Variants in PDE10A observed in about 807,000 individuals in gnomAD.
PDE10A encodes the protein phosphodiesterase 10A.
A neutral mutation model predicts 97.7 loss-of-function variants in PDE10A; 39 were observed. That is an observed-to-expected ratio of 0.40 (90% CI 0.31 to 0.52). The LOEUF is 0.52. Ranked by LOEUF, PDE10A falls within the 20% of genes least tolerant of loss-of-function variation. The probability of loss-of-function intolerance (pLI) is 0.56; values close to 1 mark genes in which losing one functional copy is unlikely to be tolerated. For missense variants in PDE10A, 731 were observed against 1,047.8 expected (o/e 0.70, Z 4.17); for synonymous variants, 371 against 376.8 (o/e 0.98, Z 0.18).
At chr6:165,384,631 A>AGTGTGTGTGTGTGT (rs57175607) in intron 17 of PDE10A, among the ~76,000 whole-genome samples, 5 of 67,020 alleles carry the variant, frequency 7.5e-5, no homozygotes, top group Admixed American at 1.6e-4. Flanking sequence ...TGTGTGAGTG[A>AGTGTGTGTGTGTGT]GTGTGTGTGT....
chr6:165,672,075 A>G (rs1295104596), intron 1 of PDE10A, among the ~76,000 whole-genome samples: 1 of 152,226 alleles, frequency 6.6e-6, no homozygotes, highest in African/African-American at 2.4e-5. Flanking sequence ...AAGACAGATC[A>G]ATATAGATAC....
intron 1 of PDE10A, among the ~76,000 whole-genome samples, chr6:165,684,335 G>A (rs1791057280): frequency 6.6e-6 from 1 of 152,184 alleles, no homozygotes; most frequent in Non-Finnish European, 1.5e-5. Context: ...AAATGTTTGT[G>A]TCTACTGTGG....
In PDE10A at chr6:165,619,514, C is replaced by CCAGTGTAGTCTACTG. The variant is rs1562635122; in HGVS notation, c.865+42432_865+42433insCAGTAGACTACACTG. On this transcript the variant is annotated intron_variant, in intron 1 of 21. Coordinates refer to ENST00000539869, the MANE Select transcript of PDE10A (RefSeq NM_001385079.1). ...CTAGTGTAGTCTAGTGTAGTGTAGTCTAGTGTAGTGTAGTGTAGTCTAATG... is the reference window on the plus strand; with the variant it reads ...CTAGTGTAGTCTAGTGTAGTGTAGTCCAGTGTAGTCTACTGTAGTGTAGTGTAGTGTAGTCTAATG... 2.8e-3 allele frequency among the ~76,000 whole-genome samples: 42 copies of CCAGTGTAGTCTACTG among 14,900 alleles called. 13 individuals are homozygous for CCAGTGTAGTCTACTG. The highest frequency in any genetic ancestry group is 0.017 in the African/African-American group (42 of 2,516). The allele number at this position is 14,900 out of a possible 152,430, so 9.8% of individuals were successfully genotyped here.
At chr6:165,584,533 A>C (rs761800123) in intron 1 of PDE10A, among the ~76,000 whole-genome samples, 1 of 130,672 alleles carries the variant, frequency 7.7e-6, no homozygotes, top group Non-Finnish European at 1.8e-5. Context: ...GATGACAGCC[A>C]GCACCTCTGG....
chr6:165,606,347 A>G (rs891037045), intron 1 of PDE10A, among the ~76,000 whole-genome samples: 1 of 152,112 alleles, frequency 6.6e-6, no homozygotes, highest in Non-Finnish European at 1.5e-5. Context: ...GAAAACACAC[A>G]GGATTTGTTT....
chr6:165,931,872 G>GT (rs1783147395), intron 1 of PDE10A, among the ~76,000 whole-genome samples: 1 of 152,166 alleles, frequency 6.6e-6, no homozygotes. Context: ...GCTCCAGGAG[G>GT]TTGTTGAGAA....
chr6:165,964,816 G>A (rs1784462606), intron 1 of PDE10A, among the ~76,000 whole-genome samples: 1 of 152,218 alleles, frequency 6.6e-6, no homozygotes, highest in Admixed American at 6.5e-5. Flanking sequence ...TGAGAAAGGT[G>A]CATAGGGGGC....
chr6:165,389,436 C>T (rs1453113837), intron 16 of PDE10A, among the ~76,000 whole-genome samples: 1 of 152,110 alleles, frequency 6.6e-6, no homozygotes, highest in Non-Finnish European at 1.5e-5. Context: ...GCAGAACCAA[C>T]AGGATTTTTT....
chr6:165,341,422 A>G (rs1437507350), intron 19 of PDE10A, among the ~76,000 whole-genome samples: 1 of 152,200 alleles, frequency 6.6e-6, no homozygotes. Flanking sequence ...TCTAGAATAT[A>G]GAAATCATAT....
intron 2 of PDE10A, among the ~76,000 whole-genome samples, chr6:165,489,075 T>TTC (rs1780080765): frequency 6.6e-6 from 1 of 152,146 alleles, no homozygotes; most frequent in Admixed American, 6.5e-5. Context: ...CGAGCTTGTC[T>TTC]TCTCACTATA....
intron 1 of PDE10A, among the ~76,000 whole-genome samples, chr6:165,823,482 TTATATATATATATATATATATATATATA>T (rs748139541): frequency 1.9e-4 from 7 of 37,504 alleles, no homozygotes; most frequent in East Asian, 2.1e-3. Context: ...ATAGTTAACT[TTATATATATATATATATATATATATATA>T]TATATATATA....
At chr6:165,555,729 A>G (rs2128333521) in intron 1 of PDE10A, among the ~76,000 whole-genome samples, 1 of 152,300 alleles carries the variant, frequency 6.6e-6, no homozygotes, top group East Asian at 1.9e-4. Flanking sequence ...CCATCATATT[A>G]ACTGGAAGGT....
At position 165,962,597 on chromosome 6, in the gene PDE10A, A is replaced by G. The variant is rs73027582; in HGVS notation, c.-615+24932T>C. On this transcript the variant is annotated intron_variant, in intron 1 of 19. Coordinates refer to the PDE10A transcript ENST00000366882. ...CCCAGACTCTGACCACGTGCTGTGGAATGTCAGCCATGCACATTTTGGTCC... is the reference window on the plus strand; with the variant it reads ...CCCAGACTCTGACCACGTGCTGTGGGATGTCAGCCATGCACATTTTGGTCC... Among the ~76,000 whole-genome samples, 266 of 152,350 alleles carry G rather than the reference A, an allele frequency of 1.7e-3. 1 individual carries two copies. Among genetic ancestry groups the G allele is most frequent in the Non-Finnish European group, 3.0e-3 (203 of 68,036 alleles).
chr6:165,778,937 G>A (rs1778270356), intron 1 of PDE10A, among the ~76,000 whole-genome samples: 1 of 151,972 alleles, frequency 6.6e-6, no homozygotes, highest in South Asian at 2.1e-4. Context: ...GTTGGTTATT[G>A]GTGTGGCAAG....
chr6:165,421,693 T>TA (rs1788703511), intron 10 of PDE10A, among the ~76,000 whole-genome samples: 1 of 152,188 alleles, frequency 6.6e-6, no homozygotes, highest in African/African-American at 2.4e-5. Context: ...TTTGAAGAGA[T>TA]AAAATTTTTC....
intron 1 of PDE10A, among the ~76,000 whole-genome samples, chr6:165,906,870 C>T (rs961087079): frequency 1.2e-4 from 18 of 152,164 alleles, no homozygotes; most frequent in Non-Finnish European, 2.6e-4. Flanking sequence ...AGTAACGTGA[C>T]CAAAGTCACA....
At chr6:165,406,626 GTGTCAACT>G (rs1322915425) in intron 13 of PDE10A, among the ~76,000 whole-genome samples, 1 of 151,910 alleles carries the variant, frequency 6.6e-6, no homozygotes, top group African/African-American at 2.4e-5. Flanking sequence ...TTAATTCTAA[GTGTCAACT>G]TGACTGGGTT....
At chr6:165,818,859 T>G (rs1779489369) in intron 1 of PDE10A, among the ~76,000 whole-genome samples, 1 of 152,250 alleles carries the variant, frequency 6.6e-6, no homozygotes, top group South Asian at 2.1e-4. Flanking sequence ...TCAGCTGTGT[T>G]AGACAGTACA....
At chr6:165,559,721 C>T (rs1784430389) in intron 1 of PDE10A, among the ~76,000 whole-genome samples, 1 of 152,160 alleles carries the variant, frequency 6.6e-6, no homozygotes, top group Admixed American at 6.5e-5. Flanking sequence ...TCCCATAATT[C>T]CCACGTGTTG....
Sources: allele counts gnomAD v4.1 joint callset (sites outside exome capture counted in the v4.1 genomes callset), GRCh38; gene constraint gnomAD v4.1.1; transcripts MANE v1.5; gene names NCBI Gene and HGNC (gene_info 2026-07-23, HGNC 2026-07-21).